The following WWOX variants were observed in gnomAD, a reference collection of about 807,000 sequenced individuals.
WWOX encodes the protein WW domain containing oxidoreductase.
A neutral mutation model predicts 46.2 loss-of-function variants in WWOX; 69 were observed. The ratio of observed to expected loss-of-function variants is 1.49; its 90% CI spans 1.23 to 1.82. The LOEUF (loss-of-function observed/expected upper bound fraction) is 1.82, where lower values mean the gene tolerates loss of function less well. WWOX is among the 40% of genes most tolerant of loss of function. WWOX has a pLI of 0.00. For missense variants in WWOX, 919 were observed against 542.6 expected (o/e 1.69, Z -6.89); for synonymous variants, 359 against 202.6 (o/e 1.77, Z -6.56).
intron 8 of WWOX, chr16:78,890,237 G>A (rs187622669): frequency 3.0e-4 from 46 of 151,750 alleles, no homozygotes; most frequent in African/African-American, 1.0e-3. Context: ...CTTAAAAATG[G>A]AAGTTCTGAA....
intron 4 of WWOX, chr16:78,123,424 CTT>C (rs1306446226): frequency 1.5e-5 from 1 of 67,010 alleles, no homozygotes; most frequent in Non-Finnish European, 3.5e-5. Flanking sequence ...ATGTTTTTTT[CTT>C]TGTTTTTTGT....
intron 5 of WWOX, among the ~76,000 whole-genome samples, chr16:78,189,920 G>C (rs946096784): frequency 2.0e-5 from 3 of 151,954 alleles, no homozygotes; most frequent in African/African-American, 4.8e-5. Context: ...CTCCCAAAGT[G>C]CTGGGATTAC....
intron 8 of WWOX, among the ~76,000 whole-genome samples, chr16:78,445,228 C>T (rs994125866): frequency 6.6e-6 from 1 of 152,112 alleles, no homozygotes; most frequent in Non-Finnish European, 1.5e-5. Flanking sequence ...TTGTAAATAC[C>T]ATACCCCATC....
chr16:78,677,276 A>G (rs920644192), intron 8 of WWOX, among the ~76,000 whole-genome samples: 2 of 152,092 alleles, frequency 1.3e-5, no homozygotes, highest in African/African-American at 4.8e-5. Flanking sequence ...GATTCTTGCA[A>G]ATGTTTTTGG....
At chr16:78,248,861 G>A (rs1345258222) in intron 5 of WWOX, among the ~76,000 whole-genome samples, 1 of 148,140 alleles carries the variant, frequency 6.8e-6, no homozygotes, top group Non-Finnish European at 1.5e-5. Flanking sequence ...TATGCCCCCC[G>A]GCCTTTTTTT....
rs73567506 is a variant in WWOX, at chr16:78,673,164, C to T, written c.1056+240412C>T. Among the ~76,000 whole-genome samples the T allele has an allele frequency of 1.1e-3, 168 of 152,272 alleles. 1 individual carries two copies. The highest frequency in any genetic ancestry group is 3.5e-3 in the African/African-American group (146 of 41,546). On this transcript the variant is annotated intron_variant, in intron 8 of 8. Coordinates refer to ENST00000566780, the MANE Select transcript of WWOX (RefSeq NM_016373.4). Reference sequence around the variant, plus strand: ...CAGCTCAAGTCCTCATTCTCATTCACGGGAGGCTGCGGCCCTGTGAGGTGA... The same window carrying T: ...CAGCTCAAGTCCTCATTCTCATTCATGGGAGGCTGCGGCCCTGTGAGGTGA...
intron 8 of WWOX, among the ~76,000 whole-genome samples, chr16:78,973,296 G>A (rs141464949): frequency 3.3e-5 from 5 of 152,238 alleles, no homozygotes; most frequent in Admixed American, 6.5e-5. Flanking sequence ...TCATCCTGGC[G>A]TTTGGGTACT....
chr16:78,460,654 C>G (rs2083927586), intron 8 of WWOX, among the ~76,000 whole-genome samples: 1 of 152,174 alleles, frequency 6.6e-6, no homozygotes, highest in Admixed American at 6.5e-5. Context: ...GCAGACGTGT[C>G]CAATGACCTG....
intron 8 of WWOX, among the ~76,000 whole-genome samples, chr16:79,110,322 G>C (rs572837288): frequency 6.6e-6 from 1 of 151,642 alleles, no homozygotes; most frequent in African/African-American, 2.4e-5. Context: ...TTTTCTCCCC[G>C]ACATGCCCCT....
chr16:78,135,969 T>G (rs1340538708), intron 4 of WWOX, among the ~76,000 whole-genome samples: 2 of 152,212 alleles, frequency 1.3e-5, no homozygotes, highest in African/African-American at 4.8e-5. Flanking sequence ...TTGTGATAAC[T>G]ATATATAAAA....
chr16:79,062,465 C>T (rs956592129), intron 8 of WWOX, among the ~76,000 whole-genome samples: 2 of 152,088 alleles, frequency 1.3e-5, no homozygotes, highest in African/African-American at 2.4e-5. Context: ...TTCCCGGTGC[C>T]GTGCGGTGTA....
At chr16:78,585,700 T>A (rs1055682842) in intron 8 of WWOX, among the ~76,000 whole-genome samples, 3 of 151,634 alleles carry the variant, frequency 2.0e-5, no homozygotes, top group Admixed American at 6.6e-5. Context: ...TTTTTTTGTT[T>A]TTTTTGTTTT....
intron 8 of WWOX, among the ~76,000 whole-genome samples, chr16:78,904,041 T>C (rs527380117): frequency 5.3e-5 from 8 of 152,206 alleles, no homozygotes; most frequent in African/African-American, 1.9e-4. Context: ...ACCCTGTTAT[T>C]AACGTGTCTG....
chr16:78,879,854 G>C (rs1315719217), intron 8 of WWOX, among the ~76,000 whole-genome samples: 1 of 146,142 alleles, frequency 6.8e-6, no homozygotes, highest in Non-Finnish European at 1.5e-5. Flanking sequence ...TCCAGCCTGG[G>C]CAACAACAGC....
At chr16:78,545,533 A>C (rs554736974) in intron 8 of WWOX, among the ~76,000 whole-genome samples, 7 of 152,150 alleles carry the variant, frequency 4.6e-5, no homozygotes, top group Admixed American at 3.3e-4. Flanking sequence ...CCATCCTTAA[A>C]CAAGTTCAAT....
chr16:78,933,641 C>A (rs1195695901), intron 8 of WWOX, among the ~76,000 whole-genome samples: 1 of 152,130 alleles, frequency 6.6e-6, no homozygotes, highest in Admixed American at 6.5e-5. Flanking sequence ...ATTGGACTTA[C>A]AGTTCCATGT....
intron 8 of WWOX, among the ~76,000 whole-genome samples, chr16:78,797,959 C>A (rs1305280675): frequency 6.6e-6 from 1 of 152,184 alleles, no homozygotes; most frequent in African/African-American, 2.4e-5. Flanking sequence ...CTGCCCTCAA[C>A]CCTGGGTGAC....
chr16:78,381,850 T>A (rs1290267094), intron 5 of WWOX, among the ~76,000 whole-genome samples: 1 of 152,088 alleles, frequency 6.6e-6, no homozygotes, highest in Non-Finnish European at 1.5e-5. Flanking sequence ...CAGTTTATTT[T>A]ACGGTGGTGG....
At chr16:78,958,294 CA>C (rs1172874065) in intron 8 of WWOX, among the ~76,000 whole-genome samples, 1 of 152,020 alleles carries the variant, frequency 6.6e-6, no homozygotes, top group Non-Finnish European at 1.5e-5. Flanking sequence ...ATAGTGTCAT[CA>C]AAATAACATT....
Sources: allele counts gnomAD v4.1 joint callset (sites outside exome capture counted in the v4.1 genomes callset), GRCh38; gene constraint gnomAD v4.1.1; transcripts MANE v1.5; gene names NCBI Gene and HGNC (gene_info 2026-07-23, HGNC 2026-07-21).